CCDC82: variants seen among roughly 807,000 people sequenced by gnomAD.
The protein encoded by CCDC82 is coiled-coil domain containing 82.
CCDC82 carries 47 observed loss-of-function variants against 60.6 expected under a neutral mutation model. That is an observed-to-expected ratio of 0.77 (90% CI 0.61 to 0.99). CCDC82 has a LOEUF of 0.99. CCDC82 is among the 50% of genes least tolerant of loss of function. CCDC82 has a pLI of 0.00. For synonymous variants in CCDC82, 212 were observed against 207.4 expected, an observed-to-expected ratio of 1.02 and a Z score of -0.19; for missense variants, 588 against 633.0, an observed-to-expected ratio of 0.93 and a Z score of 0.76.
At chr11:96,362,363 T>G (rs572278370) in intron 8 of CCDC82, among the ~76,000 whole-genome samples, 3 of 152,268 alleles carry the variant, frequency 2.0e-5, no homozygotes, top group Admixed American at 1.3e-4. Flanking sequence ...TGTTTTCTGT[T>G]TCTGGGTCTT....
intron 8 of CCDC82, among the ~76,000 whole-genome samples, chr11:96,362,445 T>G (rs1008689662): frequency 1.3e-5 from 2 of 152,246 alleles, no homozygotes; most frequent in Non-Finnish European, 2.9e-5. Flanking sequence ...TTGTTTTTTG[T>G]ACAGACATAT....
chr11:96,376,449 C>T (rs549924924), intron 5 of CCDC82, among the ~76,000 whole-genome samples: 23 of 149,034 alleles, frequency 1.5e-4, no homozygotes, highest in Non-Finnish European at 2.2e-4. Flanking sequence ...TTTTTTGAGC[C>T]GGAGTCTTAC....
At chr11:96,357,526 G>A (rs1864410239) in intron 9 of CCDC82, 4 of 985,316 alleles carry the variant, frequency 4.1e-6, no homozygotes, top group South Asian at 9.4e-5. Context: ...CCCTTCTGGT[G>A]TCCTAAACCT....
Position 96,365,034 on chromosome 11 carries a change from C to G in CCDC82, c.1326G>C (p.Glu442Asp). Residue 442 changes from glutamate to aspartate, a missense_variant, in exon 8 of 10, where the codon GAG becomes GAC. Coordinates refer to ENST00000646818, the MANE Select transcript of CCDC82 (RefSeq NM_024725.4). Reference protein sequence around the residue: ...YCKYSVHLSGELYNTRTMQID... With the variant: ...YCKYSVHLSGDLYNTRTMQID... ...TTTGCATGGTCCTGGTGTTATACAA[C>G]TCTCCTGATAAATGCACTGAATATT... 1 of 1,610,926 alleles carries G rather than the reference C, an allele frequency of 6.2e-7. No individual in the cohort carries two copies. Among genetic ancestry groups the G allele is most frequent in the Non-Finnish European group, 8.5e-7 (1 of 1,178,614 alleles).
chr11:96,389,784 A>G (rs1591237788), intron 1 of CCDC82, 60 bp downstream of exon 1: 1 of 152,198 alleles, frequency 6.6e-6, no homozygotes, highest in Non-Finnish European at 1.5e-5. Flanking sequence ...AACCATTAGC[A>G]CCGGGAGCGC....
chr11:96,365,201 AAAGT>A lies in CCDC82; in HGVS notation c.1210-55_1210-52del, dbSNP rs1222691198. 6 of 1,243,150 alleles carry A rather than the reference AAAGT, an allele frequency of 4.8e-6. No homozygotes were observed. In the South Asian group the frequency reaches 9.5e-5, roughly 20 times the overall value. 77.0% of individuals were successfully genotyped at this position (1,243,150 alleles called of 1,614,324 possible). On this transcript the variant is annotated intron_variant, in intron 7 of 9. Coordinates refer to ENST00000646818, the MANE Select transcript of CCDC82 (RefSeq NM_024725.4). ...GTTTAAAAGATAAAGAATAAAAATAAAAGTAAGAATCTAACCAATTAAAACATCT... is the reference window on the plus strand; with the variant it reads ...GTTTAAAAGATAAAGAATAAAAATAAAAGAATCTAACCAATTAAAACATCT...
chr11:96,367,674 A>G (rs1865018980), intron 7 of CCDC82, among the ~76,000 whole-genome samples: 1 of 152,090 alleles, frequency 6.6e-6, no homozygotes, highest in Non-Finnish European at 1.5e-5. Flanking sequence ...GTTAATGTTG[A>G]TATTTTTACC....
chr11:96,378,359 T>C (rs1243225724), intron 5 of CCDC82, among the ~76,000 whole-genome samples: 1 of 152,044 alleles, frequency 6.6e-6, no homozygotes, highest in Non-Finnish European at 1.5e-5. Context: ...TGAAACACTT[T>C]TCACAGTTAT....
chr11:96,388,455 T>C (rs1274351437), intron 1 of CCDC82: 1 of 152,206 alleles, frequency 6.6e-6, no homozygotes, highest in Non-Finnish European at 1.5e-5. Flanking sequence ...ATCAATACTA[T>C]CACATCTTTG....
In CCDC82 at chr11:96,365,130, A is replaced by G. The variant is rs1464528377; in HGVS notation, c.1230T>C (p.Ser410=). The G allele has an allele frequency of 6.4e-7, 1 of 1,570,596 alleles. No individual in the cohort carries two copies. Among genetic ancestry groups the G allele is most frequent in the Admixed American group, 1.9e-5 (1 of 53,090 alleles). Residue 410 remains serine (S), a synonymous_variant, in exon 8 of 10, where the codon TCT becomes TCC. Transcript: ENST00000646818. ...GATTCTTCAAATGAATACTTACATTAGAATAATTTTCTACTCGCTCCTGAA... is the reference window on the plus strand; with the variant it reads ...GATTCTTCAAATGAATACTTACATTGGAATAATTTTCTACTCGCTCCTGAA... ...EQYKERVENY[S]NVSIHLKNPE...
chr11:96,356,589 C>T, intron 9 of CCDC82: 1 of 983,564 alleles, frequency 1.0e-6, no homozygotes, highest in Non-Finnish European at 1.2e-6. Flanking sequence ...AGAATTTTGC[C>T]AGTGTCATAT....
chr11:96,358,281 T>C, intron 9 of CCDC82: 1 of 1,122,798 alleles, frequency 8.9e-7, no homozygotes, highest in African/African-American at 1.6e-5. Flanking sequence ...AAGACTGCAG[T>C]CGTATTAGCA....
chr11:96,364,859 T>G (rs759020956), intron 8 of CCDC82, 121 bp downstream of exon 8: 13 of 825,058 alleles, frequency 1.6e-5, no homozygotes, highest in Admixed American at 3.2e-5. Flanking sequence ...GGTTGCCAAT[T>G]TGGTGGATTA....
Position 96,373,369 on chromosome 11 carries a change from A to T in CCDC82, c.1084+6T>A. 6.4e-7 allele frequency: 1 copy of T among 1,550,962 alleles called. No homozygotes were observed. Among genetic ancestry groups the T allele is most frequent in the Non-Finnish European group, 8.8e-7 (1 of 1,132,052 alleles). ...ACCAATTGTTTCATTCATAGTATTAACTTACCATATAATGTTCCCAGAAAA... is the reference window on the plus strand; with the variant it reads ...ACCAATTGTTTCATTCATAGTATTATCTTACCATATAATGTTCCCAGAAAA... On this transcript the variant is annotated splice_donor_region_variant and intron_variant, in intron 6 of 9. Coordinates refer to ENST00000646818, the MANE Select transcript of CCDC82 (RefSeq NM_024725.4).
intron 5 of CCDC82, chr11:96,382,917 AAT>A: frequency 5.8e-6 from 1 of 173,266 alleles, no homozygotes. Flanking sequence ...TTTGGGGAAA[AAT>A]ATAGTTACTT....
intron 1 of CCDC82, chr11:96,388,928 C>T (rs1866369799): frequency 6.6e-6 from 1 of 152,186 alleles, no homozygotes; most frequent in South Asian, 2.1e-4. Context: ...TGTGCTGCCA[C>T]CATTTCAAAT....
chr11:96,357,579 T>C (rs1010421869), intron 9 of CCDC82: 9 of 985,022 alleles, frequency 9.1e-6, no homozygotes, highest in African/African-American at 1.7e-5. Flanking sequence ...AATGCTTTTT[T>C]CTTCAAGAAG....
Position 96,353,594 on chromosome 11 carries a change from C to T in CCDC82, c.*52G>A. On this transcript the variant is annotated 3_prime_UTR_variant, in exon 10 of 10. Transcript: ENST00000646818. ...TCACATGATACAGAAAAACAAGAAT[C>T]ATGATCTTCACATTTACAGGAATTT... 1 of 1,274,346 alleles carries T rather than the reference C, an allele frequency of 7.8e-7. No individual in the cohort carries two copies. Among genetic ancestry groups the T allele is most frequent in the Admixed American group, 1.7e-5 (1 of 58,464 alleles). 78.9% of individuals were successfully genotyped at this position (1,274,346 alleles called of 1,614,324 possible). A position where few individuals can be genotyped will look rare whatever the true frequency, so the allele number is the denominator to read the frequency against.
At chr11:96,373,726 G>A (rs986634383) in intron 5 of CCDC82, among the ~76,000 whole-genome samples, 1 of 152,018 alleles carries the variant, frequency 6.6e-6, no homozygotes, top group Admixed American at 6.6e-5. Flanking sequence ...ACTGTTCAGA[G>A]AATATTAAAA....
Sources: allele counts gnomAD v4.1 joint callset (sites outside exome capture counted in the v4.1 genomes callset), GRCh38; gene constraint gnomAD v4.1.1; transcripts MANE v1.5; gene names NCBI Gene and HGNC (gene_info 2026-07-23, HGNC 2026-07-21).